The following RBM22 variants were observed in gnomAD, a reference collection of about 807,000 sequenced individuals.
The protein encoded by RBM22 is pre-mRNA-splicing factor RBM22.
A neutral mutation model predicts 50.1 loss-of-function variants in RBM22; 1 was observed. The observed-to-expected ratio is 0.02, with a 90% confidence interval of 0.01 to 0.09. The LOEUF (loss-of-function observed/expected upper bound fraction) is 0.09. RBM22 is among the 10% of genes least tolerant of loss of function. RBM22 has a pLI of 1.00. For synonymous variants in RBM22, 152 were observed against 179.0 expected (o/e 0.85, Z 1.20); for missense variants, 264 against 529.3 (o/e 0.50, Z 4.92).
chr5:150,694,457 C>A, intron 7 of RBM22: 1 of 680,798 alleles, frequency 1.5e-6, no homozygotes, highest in Non-Finnish European at 2.2e-6. Context: ...TAAAGGTTCT[C>A]AAACATCTCA....
intron 7 of RBM22, chr5:150,694,590 T>C (rs992374742): frequency 5.4e-6 from 1 of 184,746 alleles, no homozygotes; most frequent in Non-Finnish European, 1.1e-5. Flanking sequence ...AAAACAAGAA[T>C]ACGTGACAGA....
intron 2 of RBM22, 31 bp downstream of exon 2, chr5:150,700,413 T>C (rs779170279): frequency 1.3e-6 from 2 of 1,581,494 alleles, no homozygotes; most frequent in South Asian, 2.2e-5. Flanking sequence ...CGACAGGACA[T>C]GAATAACTCG....
intron 3 of RBM22, 147 bp from the exon 4 acceptor site, chr5:150,698,778 C>T: frequency 1.8e-6 from 2 of 1,119,366 alleles, no homozygotes; most frequent in Non-Finnish European, 2.5e-6. Flanking sequence ...TTTGATGTTT[C>T]AATACAATTT....
In RBM22 at chr5:150,696,326, A is replaced by C. The variant is rs1489832291; in HGVS notation, c.545+207T>G. 1.3e-5 allele frequency among the ~76,000 whole-genome samples: 2 copies of C among 152,216 alleles called. No individual in the cohort carries two copies. The highest frequency in any genetic ancestry group is 1.3e-4 in the Admixed American group (2 of 15,276). ...GGTCAGCATCTATATTGTATGGCATAGCAATTTAGTTTCCAAGGCTCAATT... is the reference window on the plus strand; with the variant it reads ...GGTCAGCATCTATATTGTATGGCATCGCAATTTAGTTTCCAAGGCTCAATT... On this transcript the variant is annotated intron_variant, in intron 6 of 10. Transcript: ENST00000199814. The surrounding 1 kb of genome is among the most constrained non-coding windows in gnomAD (Gnocchi z 4.3).
rs142402031 is a variant in RBM22, at chr5:150,692,687, T to C, written c.1132+208A>G. On this transcript the variant is annotated intron_variant, in intron 10 of 10. Coordinates refer to ENST00000199814, the MANE Select transcript of RBM22 (RefSeq NM_018047.3). ...AATAATCTTACTCTGCTGACACATA[T>C]ACGCGGATCTTTAGAAAACTGGCCC... Among the ~76,000 whole-genome samples the C allele has an allele frequency of 1.5e-3, 225 of 152,282 alleles. No individual in the cohort carries two copies. The highest frequency in any genetic ancestry group is 2.7e-3 in the Non-Finnish European group (181 of 68,030).
At position 150,694,123 on chromosome 5, in the gene RBM22, A is replaced by G. The variant is rs939573781; in HGVS notation, c.864T>C (p.Phe288=). 1 of 1,614,148 alleles carries G rather than the reference A, an allele frequency of 6.2e-7. No individual in the cohort carries two copies. Among genetic ancestry groups the G allele is most frequent in the Non-Finnish European group, 8.5e-7 (1 of 1,180,030 alleles). Residue 288 remains phenylalanine (F), a synonymous_variant, in exon 8 of 11, where the codon TTT becomes TTC. Coordinates refer to ENST00000199814, the MANE Select transcript of RBM22 (RefSeq NM_018047.3). Reference sequence around the variant, plus strand: ...TGCGGCCATTTACAATCAACTTATTAAAGGACTTCTCAGCAGCCACTTCTG... The same window carrying G: ...TGCGGCCATTTACAATCAACTTATTGAAGGACTTCTCAGCAGCCACTTCTG... ...QAAEVAAEKS[F]NKLIVNGRRL... is the part of the protein sequence containing the mutation.
At chr5:150,695,801 A>G in intron 6 of RBM22, 95 bp from the exon 7 acceptor site, 2 of 1,048,316 alleles carry the variant, frequency 1.9e-6, no homozygotes, top group South Asian at 1.5e-5. Context: ...TCCTAGATAC[A>G]TATTCTGAAG....
chr5:150,692,939 A>G lies in RBM22; in HGVS notation c.1088T>C (p.Ile363Thr), dbSNP rs771180513. ...AATGCCAGGGGGCGGTGGCAGAGCA[A>G]TGTTCACCACAGCTGGAGGACCACT... ...PPSGPPAVVN[I>T]ALPPPPGIAP... Residue 363 changes from isoleucine to threonine, a missense_variant, in exon 10 of 11, where the codon ATT (isoleucine) becomes ACT (threonine). Physicochemically the swap from Ile to Thr is moderately conservative, Grantham distance 89 (BLOSUM62 -1). Coordinates refer to ENST00000199814, the MANE Select transcript of RBM22 (RefSeq NM_018047.3). 1.7e-5 allele frequency: 28 copies of G among 1,613,112 alleles called. No homozygotes were observed. The highest frequency in any genetic ancestry group is 2.2e-5 in the Non-Finnish European group (26 of 1,179,606).
At chr5:150,693,461 A>G (rs1759235764) in intron 8 of RBM22, among the ~76,000 whole-genome samples, 154 bp from the exon 9 acceptor site, 1 of 152,196 alleles carries the variant, frequency 6.6e-6, no homozygotes, top group Non-Finnish European at 1.5e-5. Context: ...AGTGAACAAG[A>G]GCAAAGGTTT....
At chr5:150,700,359 C>G (rs2151458139) in intron 2 of RBM22, 85 bp downstream of exon 2, 1 of 1,345,460 alleles carries the variant, frequency 7.4e-7, no homozygotes, top group Non-Finnish European at 1.0e-6. Flanking sequence ...ATTTTTTCTG[C>G]TTGTCTAAGA....
intron 8 of RBM22, among the ~76,000 whole-genome samples, chr5:150,693,624 T>A (rs1759237934): frequency 6.6e-6 from 1 of 152,246 alleles, no homozygotes; most frequent in Admixed American, 6.5e-5. Context: ...TGGTTCCAAG[T>A]TGGAGACATG....
intron 3 of RBM22, 47 bp from the exon 4 acceptor site, chr5:150,698,678 G>A: frequency 6.2e-7 from 1 of 1,600,260 alleles, no homozygotes; most frequent in East Asian, 2.2e-5. Flanking sequence ...TCCTGATCTG[G>A]GCAATCTGGA....
At position 150,701,034 on chromosome 5, in the gene RBM22, C is replaced by G; in HGVS notation, c.-49G>C. 1 of 1,611,316 alleles carries G rather than the reference C, an allele frequency of 6.2e-7. No homozygotes were observed. Among genetic ancestry groups the G allele is most frequent in the South Asian group, 1.1e-5 (1 of 91,040 alleles). ...GTAGCTTCCGAATTGGGAGAGAGGA[C>G]CGCCACAATCCCGTCAAGCCCCGAG... On this transcript the variant is annotated 5_prime_UTR_variant, in exon 1 of 11. Transcript: ENST00000199814.
chr5:150,700,219 G>A (rs1452064441), intron 2 of RBM22, among the ~76,000 whole-genome samples: 1 of 152,138 alleles, frequency 6.6e-6, no homozygotes. Context: ...CTATTTCCTA[G>A]GTAAATGCTC....
At position 150,699,845 on chromosome 5, in the gene RBM22, G is replaced by A. The variant is rs116155157; in HGVS notation, c.109-574C>T. ...GTAGACTTGTCCTGTGCCAATGCCC[G>A]GAATATAGTAAATGTTCTGTTTAAA... On this transcript the variant is annotated intron_variant, in intron 2 of 10. Transcript: ENST00000199814. 2.7e-3 allele frequency among the ~76,000 whole-genome samples: 415 copies of A among 152,230 alleles called. 2 individuals are homozygous for A. Among genetic ancestry groups the A allele is most frequent in the African/African-American group, 9.7e-3 (403 of 41,538 alleles).
At position 150,701,024 on chromosome 5, in the gene RBM22, GGAGA is replaced by G. The variant is rs1260905251; in HGVS notation, c.-43_-40del. ...GGAGGTAGCTGTAGCTTCCGAATTG[GGAGA>G]GAGGACCGCCACAATCCCGTCAAGC... On this transcript the variant is annotated 5_prime_UTR_variant, in exon 1 of 11. Coordinates refer to ENST00000199814, the MANE Select transcript of RBM22 (RefSeq NM_018047.3). 12 of 1,612,466 alleles carry G rather than the reference GGAGA, an allele frequency of 7.4e-6. No individual in the cohort carries two copies. Among genetic ancestry groups the G allele is most frequent in the Non-Finnish European group, 1.0e-5 (12 of 1,178,964 alleles).
Position 150,696,411 on chromosome 5 carries a change from G to GTA in RBM22, c.545+120_545+121dup. On this transcript the variant is annotated intron_variant, in intron 6 of 10. Coordinates refer to ENST00000199814, the MANE Select transcript of RBM22 (RefSeq NM_018047.3). The surrounding 1 kb of genome is among the most constrained non-coding windows in gnomAD (Gnocchi z 4.3). ...AAATTTCATAGTTCTAAGACATGAG[G>GTA]TATACCACATTAGTTGTATGACCTT... 1 of 1,062,438 alleles carries GTA rather than the reference G, an allele frequency of 9.4e-7. No homozygotes were observed. Among genetic ancestry groups the GTA allele is most frequent in the South Asian group, 1.6e-5 (1 of 62,982 alleles). 65.8% of individuals were successfully genotyped at this position (1,062,438 alleles called of 1,614,324 possible).
intron 7 of RBM22, chr5:150,694,902 ATCGCAAAGC>A (rs1270845476): frequency 1.3e-5 from 2 of 152,692 alleles, no homozygotes; most frequent in Non-Finnish European, 2.9e-5. Flanking sequence ...GAGTTTTATC[ATCGCAAAGC>A]TCTCCCTCCT....
At chr5:150,695,796 G>A in intron 6 of RBM22, 90 bp from the exon 7 acceptor site, 1 of 1,093,992 alleles carries the variant, frequency 9.1e-7, no homozygotes, top group Non-Finnish European at 1.3e-6. Flanking sequence ...TAAAGTCCTA[G>A]ATACATATTC....
Sources: gnomAD v4.1 joint callset for allele counts (sites outside exome capture counted in the v4.1 genomes callset) on GRCh38, gnomAD v4.1.1 for gene constraint, Gnocchi (gnomAD v3.1) non-coding constraint, MANE v1.5 for transcripts, NCBI Gene and HGNC (gene_info 2026-07-23, HGNC 2026-07-21) for gene names.